The following LCOR variants were observed in gnomAD, a reference collection of about 807,000 sequenced individuals.
LCOR encodes ligand dependent nuclear receptor corepressor.
Under a neutral mutation model 64.4 loss-of-function variants are expected in LCOR, and 14 were observed. The observed-to-expected ratio is 0.22, with a 90% CI of 0.14 to 0.34. The LOEUF (loss-of-function observed/expected upper bound fraction) is 0.34, where lower values mean the gene tolerates loss of function less well. Among genes scored for constraint, LCOR ranks in the 10% least tolerant of loss-of-function variants. LCOR has a pLI of 1.00. For synonymous variants in LCOR, 643 were observed against 642.5 expected, an observed-to-expected ratio of 1.00 and a Z score of -0.01; for missense variants, 1,686 against 1,765.3, an observed-to-expected ratio of 0.96 and a Z score of 0.80.
chr10:96,984,520 C>T lies in LCOR; in HGVS notation c.4060C>T (p.Leu1354=). 6.2e-7 allele frequency: 1 copy of T among 1,614,226 alleles called. No individual in the cohort carries two copies. The highest frequency in any genetic ancestry group is 2.2e-5 in the East Asian group (1 of 44,894). ...PSRKSVCINP[L]MSPKLALQVD... ...TCGTAAGAGCGTATGCATCAACCCT[C>T]TGATGTCCCCCAAGCTTGCCCTGCA... Residue 1354 remains leucine, a synonymous_variant, in exon 8 of 8, where the codon CTG becomes TTG. Coordinates refer to ENST00000421806, the MANE Select transcript of LCOR (RefSeq NM_001346516.2).
At chr10:96,846,032 C>A (rs1239694884) in intron 2 of LCOR, among the ~76,000 whole-genome samples, 2 of 152,024 alleles carry the variant, frequency 1.3e-5, no homozygotes, top group East Asian at 2.0e-4. Context: ...CATGGTAAAA[C>A]CCCATCTCTA....
chr10:96,836,993 CT>C (rs1217375296), intron 2 of LCOR, among the ~76,000 whole-genome samples: 1,994 of 139,780 alleles, frequency 0.014, 22 homozygotes, highest in African/African-American at 0.025. Context: ...GACACAGATT[CT>C]TTTTTTTTTT....
intron 2 of LCOR, 25 bp from the exon 3 acceptor site, chr10:96,907,240 A>G: frequency 4.6e-6 from 4 of 872,898 alleles, no homozygotes; most frequent in Non-Finnish European, 5.5e-6. Context: ...TATTGTGGTA[A>G]TGGATTTTGT....
At chr10:96,907,842 A>G (rs2134453471) in intron 4 of LCOR, 95 bp downstream of exon 4, 1 of 291,258 alleles carries the variant, frequency 3.4e-6, no homozygotes, top group East Asian at 1.7e-4. Flanking sequence ...GATTTGTAGG[A>G]AAAGGAAGGT....
At chr10:96,949,758 G>C (rs1474688536) in intron 6 of LCOR, among the ~76,000 whole-genome samples, 1 of 152,130 alleles carries the variant, frequency 6.6e-6, no homozygotes, top group Non-Finnish European at 1.5e-5. Context: ...TTTTGAGAAA[G>C]AAACTGCTAG....
chr10:96,920,706 G>A lies in LCOR; in HGVS notation c.-184+12959G>A, dbSNP rs185581693. On this transcript the variant is annotated intron_variant, in intron 4 of 7. Transcript: ENST00000421806. Reference sequence around the variant, plus strand: ...TATATGTGTATATATGTTCATATATGTGTGTATATATGTATATATGTTCAT... The same window carrying A: ...TATATGTGTATATATGTTCATATATATGTGTATATATGTATATATGTTCAT... Among the ~76,000 whole-genome samples, 194 of 134,114 alleles carry A rather than the reference G, an allele frequency of 1.4e-3. 5 individuals are homozygous for A. Among genetic ancestry groups the A allele is most frequent in the African/African-American group, 6.0e-3 (184 of 30,556 alleles). The allele number at this position is 134,114 out of a possible 152,430, so 88.0% of individuals were successfully genotyped here. A position where few individuals can be genotyped will look rare whatever the true frequency, so the allele number is the denominator to read the frequency against.
chr10:96,895,932 A>G (rs1389748655), intron 2 of LCOR, among the ~76,000 whole-genome samples: 1 of 152,160 alleles, frequency 6.6e-6, no homozygotes, highest in Admixed American at 6.5e-5. Context: ...AAATTTAAAA[A>G]TTAACTAGCT....
chr10:96,930,577 G>A (rs1205458146), intron 4 of LCOR, among the ~76,000 whole-genome samples: 2 of 152,212 alleles, frequency 1.3e-5, no homozygotes, highest in Non-Finnish European at 2.9e-5. Context: ...CCTTCAACCC[G>A]AATAACTTCC....
intron 4 of LCOR, among the ~76,000 whole-genome samples, chr10:96,908,392 G>C (rs986917833): frequency 6.6e-6 from 1 of 152,120 alleles, no homozygotes; most frequent in Non-Finnish European, 1.5e-5. Context: ...TCAAGTAATG[G>C]GAGTTATTTT....
At chr10:96,958,245 T>C in intron 7 of LCOR, 1 of 1,327,084 alleles carries the variant, frequency 7.5e-7, no homozygotes, top group Non-Finnish European at 9.6e-7. Flanking sequence ...CCATTAAAAA[T>C]CTGGCCCTAA....
intron 7 of LCOR, chr10:96,955,670 C>T (rs1416164500): frequency 6.2e-7 from 1 of 1,614,008 alleles, no homozygotes; most frequent in African/African-American, 1.3e-5. Flanking sequence ...GACAGTACAA[C>T]AGTGAGATAC....
At chr10:96,839,059 A>G (rs548130685) in intron 2 of LCOR, among the ~76,000 whole-genome samples, 2 of 152,302 alleles carry the variant, frequency 1.3e-5, no homozygotes, top group African/African-American at 4.8e-5. Flanking sequence ...CAAGAAATAA[A>G]TACAAAAAAA....
chr10:96,870,996 C>T (rs1247856782), intron 2 of LCOR, among the ~76,000 whole-genome samples: 1 of 152,076 alleles, frequency 6.6e-6, no homozygotes, highest in Admixed American at 6.6e-5. Context: ...TATTGAGCTC[C>T]CGAAGTACAG....
In LCOR at chr10:96,982,568, A is replaced by G; in HGVS notation, c.2108A>G (p.Gln703Arg). The change falls in exon 8 of 8, where the codon CAG (glutamine) becomes CGG (arginine). Residue 703 changes from glutamine (Q) to arginine (R), a missense_variant. By Grantham distance (43) the Gln-to-Arg change is conservative (BLOSUM62 1). This residue lies in a region of LCOR where 1,293 missense variants were observed against 1,410.4 expected (regional missense o/e 0.92). Transcript: ENST00000421806. ...PEIVSREESP[Q>R]CSENQSSPMG... is the part of the protein sequence containing the mutation. ...ATAGTCAGTAGAGAAGAAAGTCCTC[A>G]GTGCTCAGAAAATCAGAGTTCCCCA... 3.1e-6 allele frequency: 5 copies of G among 1,614,160 alleles called. No homozygotes were observed. Among genetic ancestry groups the G allele is most frequent in the Non-Finnish European group, 4.2e-6 (5 of 1,180,036 alleles).
intron 4 of LCOR, among the ~76,000 whole-genome samples, chr10:96,910,699 A>G (rs540202715): frequency 2.6e-5 from 4 of 152,232 alleles, no homozygotes; most frequent in East Asian, 1.9e-4. Flanking sequence ...GTAATAGCCA[A>G]TAGGTGGCAG....
intron 4 of LCOR, among the ~76,000 whole-genome samples, chr10:96,938,593 CTG>C (rs1019360734): frequency 1.6e-4 from 24 of 152,148 alleles, no homozygotes; most frequent in African/African-American, 5.8e-4. Flanking sequence ...AGAGGTAAAA[CTG>C]TCTTGGTTTT....
intron 2 of LCOR, among the ~76,000 whole-genome samples, chr10:96,862,566 A>G (rs1845905134): frequency 6.6e-6 from 1 of 152,100 alleles, no homozygotes; most frequent in Non-Finnish European, 1.5e-5. Context: ...AAGTCCAGCC[A>G]CGTAGGCATG....
intron 7 of LCOR, among the ~76,000 whole-genome samples, chr10:96,966,163 CTTTTTT>C (rs57378535): frequency 1.1e-5 from 1 of 90,060 alleles, no homozygotes; most frequent in East Asian, 2.9e-4. Context: ...AAAATGGAAA[CTTTTTT>C]TTTTTTTTTT....
chr10:96,982,915 A>G lies in LCOR; in HGVS notation c.2455A>G (p.Ser819Gly), dbSNP rs1368097146. The part of the protein sequence containing the change: ...FPEASDRCLR[S>G]QLSDSSSADR... Reference sequence around the variant, plus strand: ...TGAGGCCTCTGATAGGTGCCTAAGAAGTCAACTTTCGGATTCTTCCTCTGC... The same window carrying G: ...TGAGGCCTCTGATAGGTGCCTAAGAGGTCAACTTTCGGATTCTTCCTCTGC... Residue 819 changes from serine to glycine, a missense_variant, in exon 8 of 8, where the codon AGT becomes GGT. By Grantham distance (56) the Ser-to-Gly change is moderately conservative. Around this residue, in one of 3 missense-constraint regions of LCOR, gnomAD observed 1,293 missense variants for 1,410.4 expected, o/e 0.92. Transcript: ENST00000421806. 2.5e-6 allele frequency: 4 copies of G among 1,613,794 alleles called. No individual in the cohort carries two copies. The highest frequency in any genetic ancestry group is 3.4e-6 in the Non-Finnish European group (4 of 1,179,972).
Sources: gnomAD v4.1 joint callset for allele counts (sites outside exome capture counted in the v4.1 genomes callset) on GRCh38, gnomAD v4.1.1 for gene constraint, gnomAD v4.1.1 regional missense constraint, MANE v1.5 for transcripts, NCBI Gene and HGNC (gene_info 2026-07-23, HGNC 2026-07-21) for gene names.